FSHR: variants seen among roughly 807,000 people sequenced by gnomAD.
FSHR encodes follicle-stimulating hormone receptor.
In FSHR, 46 loss-of-function variants were observed where a neutral mutation model predicts 52.1. The observed-to-expected ratio is 0.88, with a 90% CI of 0.70 to 1.13. FSHR has a LOEUF of 1.13. Among genes scored for constraint, FSHR ranks in the 50% most tolerant of loss-of-function variants. The pLI is 0.00. For synonymous variants in FSHR, 399 were observed against 309.6 expected (o/e 1.29, Z -3.03); for missense variants, 964 against 834.6 (o/e 1.16, Z -1.91).
intron 1 of FSHR, among the ~76,000 whole-genome samples, chr2:49,120,961 T>G (rs931890652): frequency 6.6e-6 from 1 of 152,368 alleles, no homozygotes; most frequent in Admixed American, 6.5e-5. Context: ...TTTGGGGTTT[T>G]TCTTCATAGC....
intron 1 of FSHR, among the ~76,000 whole-genome samples, chr2:49,130,267 G>T (rs995125934): frequency 1.3e-5 from 2 of 152,152 alleles, no homozygotes; most frequent in Non-Finnish European, 2.9e-5. Flanking sequence ...CTTAACATGG[G>T]TGAGCCCAGT....
chr2:49,019,404 A>G (rs1667613428), intron 3 of FSHR, among the ~76,000 whole-genome samples: 1 of 152,178 alleles, frequency 6.6e-6, no homozygotes, highest in Admixed American at 6.5e-5. Flanking sequence ...TGATTCTATG[A>G]AATAATTTAT....
At position 49,013,175 on chromosome 2, in the gene FSHR, G is replaced by T. The variant is rs543306216; in HGVS notation, c.374+4314C>A. The stretch of plus-strand genomic sequence containing the variant: ...ACTCTTGGTACTATTTGAGGACACA[G>T]GGAGAAGGCAGCTGTCTGCAAGCCA... On this transcript the variant is annotated intron_variant, in intron 4 of 9. Transcript: ENST00000406846. Among the ~76,000 whole-genome samples the T allele has an allele frequency of 5.9e-4, 88 of 150,076 alleles. 2 individuals are homozygous for T. In the South Asian group the frequency reaches 0.017, roughly 29 times the overall value.
At chr2:49,048,786 T>C (rs1020633285) in intron 2 of FSHR, among the ~76,000 whole-genome samples, 1 of 152,106 alleles carries the variant, frequency 6.6e-6, no homozygotes, top group African/African-American at 2.4e-5. Flanking sequence ...TCTTTGGTCA[T>C]TTGATTGCTG....
At chr2:49,056,445 A>AATATAT (rs70946848) in intron 2 of FSHR, among the ~76,000 whole-genome samples, 197 of 128,434 alleles carry the variant, frequency 1.5e-3, no homozygotes, top group Non-Finnish European at 2.1e-3. Context: ...TTACAATTGG[A>AATATAT]ATATATATAT....
chr2:49,038,960 A>AT (rs1374368630), intron 2 of FSHR, among the ~76,000 whole-genome samples: 1 of 152,184 alleles, frequency 6.6e-6, no homozygotes, highest in Non-Finnish European at 1.5e-5. Context: ...AACGGGAAAG[A>AT]TTTTATTGTA....
chr2:49,147,158 C>T (rs575340089), intron 1 of FSHR, among the ~76,000 whole-genome samples: 1 of 152,098 alleles, frequency 6.6e-6, no homozygotes, highest in South Asian at 2.1e-4. Flanking sequence ...GTCAGAGATA[C>T]AAAACATGCT....
Position 48,982,898 on chromosome 2 carries a change from G to C in FSHR, c.668+14C>G, listed in dbSNP as rs1456532759. On this transcript the variant is annotated intron_variant, in intron 8 of 9. Coordinates refer to ENST00000406846, the MANE Select transcript of FSHR (RefSeq NM_000145.4). ...ACTGAGCTCTTACACACAGAAATGG[G>C]GAAAGCTACTCACAGAATGACTGGT... 6.2e-7 allele frequency: 1 copy of C among 1,606,114 alleles called. No individual in the cohort carries two copies. Among genetic ancestry groups the C allele is most frequent in the Admixed American group, 1.7e-5 (1 of 60,018 alleles).
chr2:49,121,203 C>T (rs1198995531), intron 1 of FSHR, among the ~76,000 whole-genome samples: 1 of 152,202 alleles, frequency 6.6e-6, no homozygotes, highest in South Asian at 2.1e-4. Flanking sequence ...ATTTCCATAA[C>T]CTACCTTTGG....
intron 1 of FSHR, among the ~76,000 whole-genome samples, chr2:49,127,801 T>TCTTCTTCTTCTTCTTCTTC (rs1672078342): frequency 3.5e-5 from 2 of 57,242 alleles, no homozygotes; most frequent in African/African-American, 1.5e-4. Flanking sequence ...TTCTTCTTCT[T>TCTTCTTCTTCTTCTTCTTC]CTTCTTCTTC....
At chr2:49,141,109 G>C (rs1461669516) in intron 1 of FSHR, among the ~76,000 whole-genome samples, 1 of 152,160 alleles carries the variant, frequency 6.6e-6, no homozygotes, top group African/African-American at 2.4e-5. Flanking sequence ...ACATTAGCCA[G>C]CTTCTGATTA....
chr2:49,076,319 A>T (rs191382836), intron 1 of FSHR, among the ~76,000 whole-genome samples: 15 of 152,326 alleles, frequency 9.8e-5, no homozygotes, highest in African/African-American at 3.6e-4. Context: ...GGAGCAAGTC[A>T]TGTTCTACAT....
At chr2:49,121,708 A>C (rs919794740) in intron 1 of FSHR, among the ~76,000 whole-genome samples, 1 of 152,196 alleles carries the variant, frequency 6.6e-6, no homozygotes, top group Admixed American at 6.5e-5. Context: ...TGTGCATAGC[A>C]ACCTTAACTC....
chr2:49,100,136 A>C (rs935935385), intron 1 of FSHR, among the ~76,000 whole-genome samples: 1 of 152,134 alleles, frequency 6.6e-6, no homozygotes, highest in Non-Finnish European at 1.5e-5. Flanking sequence ...TAATCATTCC[A>C]AGTTTCTAGA....
At chr2:48,969,909 T>G (rs1243806124) in intron 8 of FSHR, among the ~76,000 whole-genome samples, 1 of 152,188 alleles carries the variant, frequency 6.6e-6, no homozygotes, top group South Asian at 2.1e-4. Context: ...TGGCACCAGC[T>G]TGGACCTGGT....
At chr2:49,080,539 C>T (rs549814725) in intron 1 of FSHR, among the ~76,000 whole-genome samples, 1 of 152,190 alleles carries the variant, frequency 6.6e-6, no homozygotes, top group Admixed American at 6.5e-5. Context: ...TGCATGCAAC[C>T]AGCTGGAAAA....
chr2:49,107,075 C>T (rs1014691070), intron 1 of FSHR, among the ~76,000 whole-genome samples: 8 of 152,158 alleles, frequency 5.3e-5, no homozygotes, highest in Admixed American at 4.6e-4. Flanking sequence ...GACTCCTTAT[C>T]ACCTGTAGAA....
intron 9 of FSHR, among the ~76,000 whole-genome samples, chr2:48,968,368 T>A (rs759370466): frequency 2.6e-5 from 4 of 152,200 alleles, no homozygotes; most frequent in Non-Finnish European, 5.9e-5. Flanking sequence ...AAGGATTAAA[T>A]CTATAATGGT....
chr2:49,050,127 A>G (rs1403141698), intron 2 of FSHR, among the ~76,000 whole-genome samples: 1 of 152,160 alleles, frequency 6.6e-6, no homozygotes, highest in African/African-American at 2.4e-5. Flanking sequence ...AGAATAGGAA[A>G]TGACATAAGG....
Sources: allele counts gnomAD v4.1 joint callset (sites outside exome capture counted in the v4.1 genomes callset), GRCh38; gene constraint gnomAD v4.1.1; transcripts MANE v1.5; gene names NCBI Gene and HGNC (gene_info 2026-07-23, HGNC 2026-07-21).